TGIF1: variants seen among roughly 807,000 people sequenced by gnomAD.
TGIF1 encodes homeobox protein TGIF1.
TGIF1 carries 4 observed loss-of-function variants against 19.3 expected under a neutral mutation model. That is an observed-to-expected ratio of 0.21 (90% CI 0.10 to 0.47). The LOEUF is 0.47. Ranked by LOEUF, TGIF1 falls within the 20% of genes least tolerant of loss-of-function variation. The pLI is 0.98. For missense variants in TGIF1, 275 were observed against 341.4 expected (o/e 0.81, Z 1.53); for synonymous variants, 122 against 129.3 (o/e 0.94, Z 0.38).
chr18:3,438,902 A>C (rs923140010), intron 2 of TGIF1, among the ~76,000 whole-genome samples: 27 of 152,216 alleles, frequency 1.8e-4, no homozygotes, highest in African/African-American at 6.5e-4. Flanking sequence ...TCTAAAAATA[A>C]AATGGAATTG....
chr18:3,444,291 T>C (rs1049162918), intron 2 of TGIF1, among the ~76,000 whole-genome samples: 12 of 131,156 alleles, frequency 9.1e-5, no homozygotes, highest in African/African-American at 5.1e-4. Flanking sequence ...CTTTTCTTTT[T>C]TTTTTTTTTT....
At chr18:3,437,827 T>C (rs796276612) in intron 2 of TGIF1, among the ~76,000 whole-genome samples, 79 of 152,360 alleles carry the variant, frequency 5.2e-4, no homozygotes, top group African/African-American at 1.9e-3. Context: ...CTCATGCCTG[T>C]AATCCCAGCA....
upstream of TGIF1, chr18:3,450,058 T>A: frequency 9.9e-7 from 1 of 1,010,766 alleles, no homozygotes; most frequent in Non-Finnish European, 1.2e-6. Flanking sequence ...GGTCCAGTCT[T>A]CCCGGCTGGA....
chr18:3,457,216 C>A lies in TGIF1; in HGVS notation c.244-149C>A. 1 of 923,130 alleles carries A rather than the reference C, an allele frequency of 1.1e-6. No homozygotes were observed. The highest frequency in any genetic ancestry group is 1.7e-6 in the Non-Finnish European group (1 of 595,512). The allele number at this position is 923,130 out of a possible 1,614,324, so 57.2% of individuals were successfully genotyped here. A position where few individuals can be genotyped will look rare whatever the true frequency, so the allele number is the denominator to read the frequency against. On this transcript the variant is annotated intron_variant, in intron 2 of 2. Transcript: ENST00000343820. This position sits in a 1 kb window ranked among gnomAD's most constrained non-coding sequence, Gnocchi z 4.9. ...TTGCTTTCTTGGCGGAGCTCAGATA[C>A]CTTGAAATAACATTGTAAATTCAGA...
intron 1 of TGIF1, chr18:3,452,001 G>C: frequency 6.2e-7 from 1 of 1,603,678 alleles, no homozygotes; most frequent in Non-Finnish European, 8.5e-7. Context: ...GCAGAGCCGG[G>C]TGTCTGCCGG....
chr18:3,429,627 G>C (rs1249696973), intron 2 of TGIF1, among the ~76,000 whole-genome samples: 1 of 152,130 alleles, frequency 6.6e-6, no homozygotes, highest in East Asian at 1.9e-4. Context: ...GTCAACATTT[G>C]GAAGATGTAT....
intron 1 of TGIF1, chr18:3,415,707 C>T: frequency 5.3e-6 from 1 of 189,856 alleles, no homozygotes. Flanking sequence ...AAGATTTCGG[C>T]CTTGACTGTG....
intron 2 of TGIF1, among the ~76,000 whole-genome samples, chr18:3,442,885 T>G (rs2082692709): frequency 1.3e-5 from 2 of 152,054 alleles, no homozygotes; most frequent in South Asian, 4.1e-4. Flanking sequence ...GATAGACAAA[T>G]AGGAAATTGA....
Position 3,451,546 on chromosome 18 carries a change from G to T in TGIF1, c.16+1041G>T. ...ATCACTCGGGAAGCGGACGGGAGGG[G>T]CGGCGCTACTGCGCATGCCCGGGAG... On this transcript the variant is annotated intron_variant, in intron 1 of 2. Transcript: ENST00000343820. The surrounding 1 kb of genome is among the most constrained non-coding windows in gnomAD (Gnocchi z 5.4). 7 of 1,010,960 alleles carry T rather than the reference G, an allele frequency of 6.9e-6. No individual in the cohort carries two copies. Among genetic ancestry groups the T allele is most frequent in the Non-Finnish European group, 8.3e-6 (7 of 847,662 alleles). 62.6% of individuals were successfully genotyped at this position (1,010,960 alleles called of 1,614,324 possible).
At chr18:3,425,217 A>G (rs1568031095) in intron 2 of TGIF1, among the ~76,000 whole-genome samples, 1 of 152,256 alleles carries the variant, frequency 6.6e-6, no homozygotes, top group Non-Finnish European at 1.5e-5. Flanking sequence ...GAGAAATGTG[A>G]CATGGCTAAC....
chr18:3,436,876 G>A (rs965420377), intron 2 of TGIF1, among the ~76,000 whole-genome samples: 6 of 148,110 alleles, frequency 4.1e-5, no homozygotes, highest in Non-Finnish European at 1.5e-5. Flanking sequence ...AGGCCGAGGT[G>A]GGTGGATCAT....
At chr18:3,442,391 T>C (rs1296736412) in intron 2 of TGIF1, among the ~76,000 whole-genome samples, 1 of 152,132 alleles carries the variant, frequency 6.6e-6, no homozygotes, top group Non-Finnish European at 1.5e-5. Context: ...AATATAAATA[T>C]AGTACTTAGT....
chr18:3,434,575 C>A (rs1469832365), intron 2 of TGIF1, among the ~76,000 whole-genome samples: 1 of 151,770 alleles, frequency 6.6e-6, no homozygotes, highest in African/African-American at 2.4e-5. Flanking sequence ...ATTAGCCAGG[C>A]GTGGTGGCAT....
chr18:3,418,632 T>C (rs2082362440), intron 2 of TGIF1: 1 of 152,206 alleles, frequency 6.6e-6, no homozygotes, highest in Non-Finnish European at 1.5e-5. Flanking sequence ...AATCTGCACA[T>C]ACAGAACCCA....
At chr18:3,449,566 C>T, upstream of TGIF1, 1 of 984,858 alleles carries the variant, frequency 1.0e-6, no homozygotes, top group Non-Finnish European at 1.2e-6. Flanking sequence ...CGCCGACCTC[C>T]CACTGTCGCT....
At chr18:3,439,439 G>C (rs984115628) in intron 2 of TGIF1, among the ~76,000 whole-genome samples, 1 of 151,510 alleles carries the variant, frequency 6.6e-6, no homozygotes, top group African/African-American at 2.4e-5. Flanking sequence ...CTCCTCCCAG[G>C]TTCAAGCGAT....
rs10715945 is a variant in TGIF1 at position 3,420,005 on chromosome 18, CAA to C, written c.-45+1800_-45+1801del. ...TGGGTAACGGGGCAAGACTCCGTCT[CAA>C]AAAAAAAAAGGAAAAAGAAAAAAGG... On this transcript the variant is annotated intron_variant, in intron 2 of 3. Transcript: ENST00000401449. Among the ~76,000 whole-genome samples the C allele has an allele frequency of 1.6e-4, 23 of 147,056 alleles. No homozygotes were observed. The East Asian group carries it at 2.2e-3, about 14-fold the overall frequency.
intron 2 of TGIF1, among the ~76,000 whole-genome samples, chr18:3,423,515 TAA>T (rs537344847): frequency 2.3e-4 from 35 of 151,672 alleles, no homozygotes; most frequent in East Asian, 7.8e-4. Context: ...CCGTCTCTAC[TAA>T]AAAAATACAA....
At chr18:3,441,169 C>A (rs8087619) in intron 2 of TGIF1, among the ~76,000 whole-genome samples, 67 of 152,158 alleles carry the variant, frequency 4.4e-4, no homozygotes, top group African/African-American at 1.5e-3. Flanking sequence ...TTGTATAAGC[C>A]CTTCATGAAT....
Sources: gnomAD v4.1 joint callset for allele counts (sites outside exome capture counted in the v4.1 genomes callset) on GRCh38, gnomAD v4.1.1 for gene constraint, Gnocchi (gnomAD v3.1) non-coding constraint, MANE v1.5 for transcripts, NCBI Gene and HGNC (gene_info 2026-07-23, HGNC 2026-07-21) for gene names.